The following STIM1 variants were observed in gnomAD, a reference collection of about 807,000 sequenced individuals.
The protein encoded by STIM1 is stromal interaction molecule 1.
Under a neutral mutation model 74.7 loss-of-function variants are expected in STIM1, and 25 were observed. That is an observed-to-expected ratio of 0.33 (90% CI 0.24 to 0.47). The LOEUF is 0.47. Ranked by LOEUF, STIM1 falls within the 20% of genes least tolerant of loss-of-function variation. STIM1 has a pLI of 1.00. For missense variants in STIM1, 728 were observed against 920.8 expected (o/e 0.79, Z 2.71); for synonymous variants, 328 against 348.8 (o/e 0.94, Z 0.66).
rs2092762428 is a variant in STIM1 at position 3,924,427 on chromosome 11, T to G, written c.140-43125T>G. On this transcript the variant is annotated intron_variant, in intron 1 of 12. Transcript: ENST00000526596. ...GTTAGCTAGGATGGTCTCGATCTCC[T>G]GACCTCGTGATCCACCTGCCTTGGT... Among the ~76,000 whole-genome samples the G allele has an allele frequency of 2.0e-5, 3 of 152,256 alleles. No homozygotes were observed. In the South Asian group the frequency reaches 6.2e-4, roughly 32 times the overall value.
chr11:4,003,689 G>A (rs1414115712), intron 2 of STIM1, among the ~76,000 whole-genome samples: 1 of 152,194 alleles, frequency 6.6e-6, no homozygotes, highest in Non-Finnish European at 1.5e-5. Flanking sequence ...AAGACGGGAT[G>A]CCCTCTCTCA....
At chr11:3,906,196 T>C (rs1245013476) in intron 1 of STIM1, among the ~76,000 whole-genome samples, 1 of 152,246 alleles carries the variant, frequency 6.6e-6, no homozygotes, top group Admixed American at 6.5e-5. Context: ...GCACTCTCTT[T>C]GGCACAGTGG....
intron 4 of STIM1, 100 bp downstream of exon 4, chr11:4,055,737 T>C: frequency 6.0e-6 from 5 of 828,618 alleles, no homozygotes; most frequent in South Asian, 1.7e-5. Context: ...AGGTTCTGCC[T>C]TTTTCAGGGC....
At chr11:3,970,135 A>G (rs2093378098) in intron 2 of STIM1, among the ~76,000 whole-genome samples, 1 of 151,624 alleles carries the variant, frequency 6.6e-6, no homozygotes, top group Admixed American at 6.6e-5. Context: ...GAGGAATAAA[A>G]TGTTCTTTTT....
chr11:4,024,968 CAG>C (rs1398651488), intron 3 of STIM1, among the ~76,000 whole-genome samples: 1 of 152,176 alleles, frequency 6.6e-6, no homozygotes, highest in East Asian at 1.9e-4. Context: ...TCTCTTAGGG[CAG>C]GTTCTGATGT....
intron 7 of STIM1, among the ~76,000 whole-genome samples, chr11:4,079,305 C>T (rs1464339762): frequency 7.1e-6 from 1 of 141,678 alleles, no homozygotes; most frequent in Non-Finnish European, 1.5e-5. Context: ...CACGGTGGCT[C>T]ATGTCTGTAA....
At chr11:4,024,107 T>G in intron 3 of STIM1, 120 bp downstream of exon 3, 1 of 756,402 alleles carries the variant, frequency 1.3e-6, no homozygotes, top group Non-Finnish European at 2.3e-6. Flanking sequence ...ATTATTGAAG[T>G]TATTCTACAT....
chr11:3,905,781 A>G (rs1465340731), intron 1 of STIM1, among the ~76,000 whole-genome samples: 1 of 152,204 alleles, frequency 6.6e-6, no homozygotes, highest in Non-Finnish European at 1.5e-5. Flanking sequence ...TGCATGATGT[A>G]TTCTTTCTGC....
intron 1 of STIM1, among the ~76,000 whole-genome samples, chr11:3,890,580 C>T (rs1297391792): frequency 2.6e-5 from 4 of 152,044 alleles, no homozygotes; most frequent in African/African-American, 4.8e-5. Flanking sequence ...TGGTGGCACA[C>T]GCCTGTAATC....
chr11:3,992,385 G>T (rs1024870486), intron 2 of STIM1, among the ~76,000 whole-genome samples: 1 of 151,906 alleles, frequency 6.6e-6, no homozygotes, highest in South Asian at 2.1e-4. Context: ...CTGCACTTTA[G>T]CCTGGGTGAC....
intron 2 of STIM1, among the ~76,000 whole-genome samples, chr11:4,002,700 A>G (rs1224698444): frequency 1.3e-5 from 2 of 150,266 alleles, no homozygotes; most frequent in East Asian, 1.9e-4. Context: ...GAGCAAACAC[A>G]TTCAAAAGCT....
At chr11:4,019,252 C>T (rs1046847765) in intron 2 of STIM1, 1 of 152,168 alleles carries the variant, frequency 6.6e-6, no homozygotes, top group Non-Finnish European at 1.5e-5. Context: ...ATTAAAATGA[C>T]AAATTGTGAA....
At chr11:3,863,007 C>T (rs1353936848) in intron 1 of STIM1, among the ~76,000 whole-genome samples, 1 of 152,098 alleles carries the variant, frequency 6.6e-6, no homozygotes, top group Non-Finnish European at 1.5e-5. Context: ...ATTCTTCTGT[C>T]TCAGCCTCCC....
At chr11:3,861,327 A>G (rs866578986) in intron 1 of STIM1, among the ~76,000 whole-genome samples, 8 of 149,302 alleles carry the variant, frequency 5.4e-5, no homozygotes, top group South Asian at 2.1e-4. Flanking sequence ...TCCACCTCCC[A>G]GGTTCATGCC....
chr11:3,913,249 G>A (rs1176623060), intron 1 of STIM1, among the ~76,000 whole-genome samples: 1 of 151,660 alleles, frequency 6.6e-6, no homozygotes, highest in Non-Finnish European at 1.5e-5. Context: ...ATGCAGTGGT[G>A]TCATCACCAC....
chr11:3,882,505 G>A (rs1253331400), intron 1 of STIM1, among the ~76,000 whole-genome samples: 1 of 151,986 alleles, frequency 6.6e-6, no homozygotes, highest in Admixed American at 6.6e-5. Context: ...CCACCTTTTG[G>A]CTCTTGTGGA....
intron 2 of STIM1, among the ~76,000 whole-genome samples, chr11:3,980,088 G>A (rs1460104116): frequency 2.6e-5 from 4 of 152,104 alleles, no homozygotes; most frequent in African/African-American, 9.7e-5. Flanking sequence ...GATTTTGATT[G>A]TATTGTTTTG....
intron 2 of STIM1, among the ~76,000 whole-genome samples, chr11:4,015,309 G>A (rs1285986034): frequency 6.6e-6 from 1 of 152,162 alleles, no homozygotes; most frequent in African/African-American, 2.4e-5. Context: ...CACTTATGAA[G>A]CTTAGTTTGG....
At chr11:3,888,744 G>A (rs896892401) in intron 1 of STIM1, among the ~76,000 whole-genome samples, 6 of 152,056 alleles carry the variant, frequency 3.9e-5, no homozygotes, top group African/African-American at 1.4e-4. Flanking sequence ...TAGAGACGGG[G>A]TTTCACCATG....
Sources: allele counts gnomAD v4.1 joint callset (sites outside exome capture counted in the v4.1 genomes callset), GRCh38; gene constraint gnomAD v4.1.1; transcripts MANE v1.5; gene names NCBI Gene and HGNC (gene_info 2026-07-23, HGNC 2026-07-21).